TBC1D22A: variants seen among roughly 807,000 people sequenced by gnomAD.
The protein encoded by TBC1D22A is putative GTPase activator.
Under a neutral mutation model 60.2 loss-of-function variants are expected in TBC1D22A, and 38 were observed. The ratio of observed to expected loss-of-function variants is 0.63; its 90% confidence interval spans 0.49 to 0.83. TBC1D22A has a LOEUF of 0.83. TBC1D22A is among the 40% of genes least tolerant of loss of function. The pLI, the probability that TBC1D22A is intolerant of heterozygous loss-of-function variation, is 0.00. For missense variants in TBC1D22A, 628 were observed against 701.0 expected, an observed-to-expected ratio of 0.90 and a Z score of 1.18; for synonymous variants, 302 against 281.7, an observed-to-expected ratio of 1.07 and a Z score of -0.72.
At chr22:46,935,120 C>T (rs778650427) in intron 8 of TBC1D22A, among the ~76,000 whole-genome samples, 10 of 152,078 alleles carry the variant, frequency 6.6e-5, no homozygotes, top group Non-Finnish European at 1.2e-4. Flanking sequence ...ACTGATATGA[C>T]TCCCCAAGCA....
intron 4 of TBC1D22A, among the ~76,000 whole-genome samples, chr22:46,844,074 T>C (rs1484955999): frequency 6.6e-6 from 1 of 151,370 alleles, no homozygotes; most frequent in East Asian, 1.9e-4. Flanking sequence ...AAGCTTGGGC[T>C]GGACTGGCCA....
At chr22:46,843,146 A>C (rs1285008482) in intron 4 of TBC1D22A, among the ~76,000 whole-genome samples, 1 of 152,192 alleles carries the variant, frequency 6.6e-6, no homozygotes, top group Non-Finnish European at 1.5e-5. Flanking sequence ...TGGTGGTTCA[A>C]GGGGAGGCAC....
rs376516656 is a variant in TBC1D22A at position 47,173,374 on chromosome 22, C to T, written c.1426-124C>T. The T allele has an allele frequency of 4.5e-6, 6 of 1,321,510 alleles. No individual in the cohort carries two copies. In the South Asian group the frequency reaches 7.0e-5, roughly 15 times the overall value. 81.9% of individuals were successfully genotyped at this position (1,321,510 alleles called of 1,614,324 possible). On this transcript the variant is annotated intron_variant, in intron 12 of 12. Transcript: ENST00000337137. ...TTTCTCTCCAGTTTTCCTGGATCAC[C>T]CGCCCTGCACCGTGGGTCACCTCCT...
intron 8 of TBC1D22A, among the ~76,000 whole-genome samples, chr22:46,922,862 G>A (rs1267212303): frequency 6.6e-6 from 1 of 152,100 alleles, no homozygotes; most frequent in Admixed American, 6.5e-5. Context: ...GTATAGAATC[G>A]TATTGATTGC....
chr22:47,000,201 C>T (rs1282016884), intron 10 of TBC1D22A, among the ~76,000 whole-genome samples: 1 of 152,042 alleles, frequency 6.6e-6, no homozygotes, highest in Admixed American at 6.5e-5. Context: ...AGCCGAATTG[C>T]TCTGCAAAGT....
intron 10 of TBC1D22A, among the ~76,000 whole-genome samples, chr22:47,012,074 C>T (rs1477392763): frequency 1.3e-5 from 2 of 152,020 alleles, no homozygotes; most frequent in South Asian, 2.1e-4. Flanking sequence ...GTGGGCCCCT[C>T]GGGTTGACTG....
chr22:46,825,702 G>T (rs1017092469), intron 4 of TBC1D22A, among the ~76,000 whole-genome samples: 1 of 152,012 alleles, frequency 6.6e-6, no homozygotes, highest in African/African-American at 2.4e-5. Flanking sequence ...TCGAATTTCT[G>T]GCCTTAAGTG....
intron 8 of TBC1D22A, among the ~76,000 whole-genome samples, chr22:46,938,801 GTCTCGAACT>G (rs1569243904): frequency 2.6e-5 from 4 of 151,932 alleles, no homozygotes; most frequent in Non-Finnish European, 5.9e-5. Context: ...GGCCAGGCTG[GTCTCGAACT>G]CCCGACCTGA....
intron 10 of TBC1D22A, among the ~76,000 whole-genome samples, chr22:47,027,383 A>G (rs1466318629): frequency 6.6e-6 from 1 of 152,114 alleles, no homozygotes; most frequent in Non-Finnish European, 1.5e-5. Context: ...ATTTGGTGAC[A>G]TGAGTAAGTT....
intron 12 of TBC1D22A, among the ~76,000 whole-genome samples, chr22:47,138,760 A>G (rs547356915): frequency 1.6e-4 from 25 of 152,140 alleles, no homozygotes; most frequent in Admixed American, 5.2e-4. Context: ...TAATCAAGGC[A>G]CCGGCAGACC....
At chr22:47,096,011 G>A (rs1409964602) in intron 11 of TBC1D22A, among the ~76,000 whole-genome samples, 2 of 152,322 alleles carry the variant, frequency 1.3e-5, no homozygotes, top group East Asian at 1.9e-4. Flanking sequence ...CTTCAGATTA[G>A]TCCTTGGTCT....
At chr22:46,820,963 C>G (rs1467362935) in intron 4 of TBC1D22A, among the ~76,000 whole-genome samples, 1 of 151,856 alleles carries the variant, frequency 6.6e-6, no homozygotes, top group Non-Finnish European at 1.5e-5. Flanking sequence ...TGAATTCTTC[C>G]CTTTATCATT....
intron 12 of TBC1D22A, among the ~76,000 whole-genome samples, chr22:47,161,845 G>C (rs1601724106): frequency 6.6e-6 from 1 of 152,238 alleles, no homozygotes; most frequent in Non-Finnish European, 1.5e-5. Flanking sequence ...AGCATCCTCA[G>C]CTGTTGCCCA....
intron 4 of TBC1D22A, among the ~76,000 whole-genome samples, chr22:46,874,511 G>T (rs59383569): frequency 0.027 from 3,917 of 145,270 alleles, 164 homozygotes; most frequent in African/African-American, 0.094. Context: ...TTTCCCTAAC[G>T]ATCAGTGATG....
At chr22:47,101,529 G>T (rs573032039) in intron 11 of TBC1D22A, among the ~76,000 whole-genome samples, 2 of 152,236 alleles carry the variant, frequency 1.3e-5, no homozygotes, top group African/African-American at 4.8e-5. Flanking sequence ...GGGGCGAGGC[G>T]GCCAAGGCCC....
At chr22:47,133,220 A>C (rs1312250100) in intron 12 of TBC1D22A, among the ~76,000 whole-genome samples, 1 of 152,258 alleles carries the variant, frequency 6.6e-6, no homozygotes, top group African/African-American at 2.4e-5. Flanking sequence ...ACATCTTAGA[A>C]ACCATAGCCA....
chr22:47,137,139 C>T (rs962144974), intron 12 of TBC1D22A, among the ~76,000 whole-genome samples: 2 of 152,200 alleles, frequency 1.3e-5, no homozygotes, highest in African/African-American at 2.4e-5. Context: ...TGGATCTGTA[C>T]GGTGTGTTCA....
intron 7 of TBC1D22A, among the ~76,000 whole-genome samples, chr22:46,897,650 G>GTTTTTTTTTT (rs1569189591): frequency 2.2e-5 from 2 of 92,642 alleles, no homozygotes; most frequent in African/African-American, 9.4e-5. Flanking sequence ...GTTTTTTTTT[G>GTTTTTTTTTT]TGTTTTTTTT....
intron 11 of TBC1D22A, among the ~76,000 whole-genome samples, chr22:47,052,178 G>C (rs1278692118): frequency 1.3e-5 from 2 of 152,248 alleles, no homozygotes; most frequent in Non-Finnish European, 2.9e-5. Context: ...GAGTTAGAGT[G>C]GGATGTTTTT....
Sources: allele counts gnomAD v4.1 joint callset (sites outside exome capture counted in the v4.1 genomes callset), GRCh38; gene constraint gnomAD v4.1.1; transcripts MANE v1.5; gene names NCBI Gene and HGNC (gene_info 2026-07-23, HGNC 2026-07-21).